The following CNTNAP2 variants were observed in gnomAD, a reference collection of about 807,000 sequenced individuals.
CNTNAP2 encodes contactin-associated protein-like 2.
Under a neutral mutation model 155.2 loss-of-function variants are expected in CNTNAP2, and 98 were observed. That is an observed-to-expected ratio of 0.63 (90% confidence interval 0.54 to 0.75). CNTNAP2 has a LOEUF of 0.75. CNTNAP2 is among the 30% of genes least tolerant of loss of function. The pLI is 0.00. For missense variants in CNTNAP2, 1,727 were observed against 1,688.1 expected (o/e 1.02, Z -0.40); for synonymous variants, 651 against 631.2 (o/e 1.03, Z -0.47).
intron 1 of CNTNAP2, among the ~76,000 whole-genome samples, chr7:146,145,159 C>T (rs1038366980): frequency 3.9e-5 from 6 of 152,074 alleles, no homozygotes. Context: ...GGCCATTTTT[C>T]GTGATTGAAA....
intron 1 of CNTNAP2, among the ~76,000 whole-genome samples, chr7:146,305,649 A>T (rs542584102): frequency 6.6e-6 from 1 of 152,192 alleles, no homozygotes; most frequent in East Asian, 1.9e-4. Flanking sequence ...GCACCCTACG[A>T]GGTCCATAAC....
At chr7:147,144,418 A>G (rs988211163) in intron 8 of CNTNAP2, among the ~76,000 whole-genome samples, 2 of 152,178 alleles carry the variant, frequency 1.3e-5, no homozygotes, top group Non-Finnish European at 2.9e-5. Context: ...TTGTTCAGCT[A>G]TGGTTGACAG....
At chr7:147,630,535 G>A (rs1030372163) in intron 12 of CNTNAP2, among the ~76,000 whole-genome samples, 5 of 151,984 alleles carry the variant, frequency 3.3e-5, no homozygotes, top group African/African-American at 7.3e-5. Flanking sequence ...GAAAACTACA[G>A]ACCAATACTG....
In CNTNAP2 at chr7:147,140,954, T is replaced by C. The variant is rs369524060; in HGVS notation, c.1348+8445T>C. On this transcript the variant is annotated intron_variant, in intron 8 of 23. Transcript: ENST00000361727. The stretch of plus-strand genomic sequence containing the variant: ...ATGAGACTCCGGGGCCATCCAGATA[T>C]GCCTCTTATCTACTGCTAAGATTAT... 3.3e-5 allele frequency among the ~76,000 whole-genome samples: 5 copies of C among 152,238 alleles called. No homozygotes were observed. In the East Asian group the frequency reaches 5.8e-4, roughly 18 times the overall value.
At chr7:146,468,312 G>T (rs1266869026) in intron 1 of CNTNAP2, among the ~76,000 whole-genome samples, 3 of 152,018 alleles carry the variant, frequency 2.0e-5, no homozygotes, top group Non-Finnish European at 4.4e-5. Flanking sequence ...GGCAAGATTT[G>T]AAAACCTGTT....
At chr7:147,171,775 A>G (rs752321660) in intron 8 of CNTNAP2, among the ~76,000 whole-genome samples, 12 of 152,166 alleles carry the variant, frequency 7.9e-5, no homozygotes, top group Non-Finnish European at 1.3e-4. Flanking sequence ...AATTCATGTG[A>G]GCTAACTAGT....
At chr7:147,601,180 A>G (rs1392882326) in intron 12 of CNTNAP2, among the ~76,000 whole-genome samples, 1 of 152,174 alleles carries the variant, frequency 6.6e-6, no homozygotes, top group Non-Finnish European at 1.5e-5. Flanking sequence ...ATTTTGAAGC[A>G]AATTCCAGAC....
At chr7:146,968,213 A>T (rs901495153) in intron 3 of CNTNAP2, among the ~76,000 whole-genome samples, 7 of 151,906 alleles carry the variant, frequency 4.6e-5, no homozygotes, top group Non-Finnish European at 1.0e-4. Context: ...TCGGTTTGCC[A>T]GTATTTTATT....
chr7:147,995,848 A>G (rs1161659328), intron 15 of CNTNAP2, among the ~76,000 whole-genome samples: 1 of 140,088 alleles, frequency 7.1e-6, no homozygotes, highest in Non-Finnish European at 1.6e-5. Context: ...AAAAGAAAAA[A>G]GACTGTGCTC....
At chr7:146,479,089 G>T (rs1584943975) in intron 1 of CNTNAP2, among the ~76,000 whole-genome samples, 1 of 152,200 alleles carries the variant, frequency 6.6e-6, no homozygotes, top group Middle Eastern at 3.4e-3. Flanking sequence ...TCTGACAAGG[G>T]GGTGTACTTC....
At chr7:148,319,344 G>T (rs1044232854) in intron 21 of CNTNAP2, among the ~76,000 whole-genome samples, 4 of 152,038 alleles carry the variant, frequency 2.6e-5, no homozygotes, top group African/African-American at 9.7e-5. Context: ...TCATAAAAGT[G>T]AATTTGAGGG....
intron 13 of CNTNAP2, among the ~76,000 whole-genome samples, chr7:147,691,654 G>A (rs75864970): frequency 3.3e-5 from 5 of 152,088 alleles, no homozygotes; most frequent in Admixed American, 6.6e-5. Context: ...AGTAAAATCC[G>A]TTAACTTATT....
rs1298162775 is a variant in CNTNAP2 at position 148,012,620 on chromosome 7, A to G, written c.2383+34631A>G. 2.0e-5 allele frequency among the ~76,000 whole-genome samples: 3 copies of G among 152,248 alleles called. No homozygotes were observed. In the East Asian group the frequency reaches 5.8e-4, roughly 29 times the overall value. ...GTTGAAGACTATTTTCTGAATAAAAACAAAATGAAACCTCATAAGTAAATT... is the reference window on the plus strand; with the variant it reads ...GTTGAAGACTATTTTCTGAATAAAAGCAAAATGAAACCTCATAAGTAAATT... On this transcript the variant is annotated intron_variant, in intron 15 of 23. Transcript: ENST00000361727.
chr7:147,504,836 A>G (rs1798879305), intron 11 of CNTNAP2, among the ~76,000 whole-genome samples: 1 of 117,676 alleles, frequency 8.5e-6, no homozygotes, highest in African/African-American at 3.0e-5. Flanking sequence ...ATATATATAT[A>G]TATGAATCAG....
chr7:146,799,202 G>T (rs180716758), intron 2 of CNTNAP2, among the ~76,000 whole-genome samples: 7 of 152,178 alleles, frequency 4.6e-5, no homozygotes, highest in Non-Finnish European at 8.8e-5. Flanking sequence ...TTTTTTAAGT[G>T]AAATAGAAAA....
chr7:146,426,078 C>T (rs1461301041), intron 1 of CNTNAP2, among the ~76,000 whole-genome samples: 8 of 143,864 alleles, frequency 5.6e-5, no homozygotes, highest in Non-Finnish European at 1.2e-4. Context: ...ATGAGCTACG[C>T]GGGAGGCTGA....
At chr7:146,433,288 C>G (rs1273669894) in intron 1 of CNTNAP2, among the ~76,000 whole-genome samples, 3 of 152,112 alleles carry the variant, frequency 2.0e-5, no homozygotes, top group African/African-American at 7.2e-5. Flanking sequence ...CTGTTGGTCT[C>G]TCTTAACTTA....
intron 4 of CNTNAP2, among the ~76,000 whole-genome samples, chr7:147,088,102 A>G (rs1215043775): frequency 6.6e-6 from 1 of 152,232 alleles, no homozygotes; most frequent in Admixed American, 6.5e-5. Flanking sequence ...AGCTTCCACT[A>G]ATCAATCTCG....
intron 21 of CNTNAP2, among the ~76,000 whole-genome samples, chr7:148,359,645 C>G (rs971951856): frequency 1.3e-5 from 2 of 152,186 alleles, no homozygotes; most frequent in East Asian, 3.9e-4. Flanking sequence ...ATTCAGAAAA[C>G]ATACTCAGTA....
Sources: allele counts gnomAD v4.1 joint callset (sites outside exome capture counted in the v4.1 genomes callset), GRCh38; gene constraint gnomAD v4.1.1; transcripts MANE v1.5; gene names NCBI Gene and HGNC (gene_info 2026-07-23, HGNC 2026-07-21).